DYTN: variants seen among roughly 807,000 people sequenced by gnomAD.
DYTN encodes dystrotelin.
DYTN carries 75 observed loss-of-function variants against 69.6 expected under a neutral mutation model. The ratio of observed to expected loss-of-function variants is 1.08; its 90% CI spans 0.89 to 1.31. The LOEUF (loss-of-function observed/expected upper bound fraction) is 1.31, where lower values mean the gene tolerates loss of function less well. DYTN is among the 50% of genes most tolerant of loss of function. The pLI, the probability that DYTN is intolerant of heterozygous loss-of-function variation, is 0.00. For missense variants in DYTN, 726 were observed against 688.4 expected, an observed-to-expected ratio of 1.05 and a Z score of -0.61; for synonymous variants, 252 against 249.1, an observed-to-expected ratio of 1.01 and a Z score of -0.11.
intron 11 of DYTN, among the ~76,000 whole-genome samples, chr2:206,656,598 C>T (rs746562388): frequency 2.3e-4 from 35 of 151,924 alleles, no homozygotes; most frequent in Non-Finnish European, 4.1e-4. Context: ...AATATTATTT[C>T]GTTTTTTTCT....
chr2:206,690,130 G>A (rs531136505), intron 9 of DYTN, among the ~76,000 whole-genome samples: 1 of 152,180 alleles, frequency 6.6e-6, no homozygotes, highest in Non-Finnish European at 1.5e-5. Context: ...TGGTTGAATG[G>A]TAAATGGTTG....
At chr2:206,710,437 T>G in intron 2 of DYTN, 87 bp downstream of exon 2, 1 of 1,245,488 alleles carries the variant, frequency 8.0e-7, no homozygotes. Flanking sequence ...GTCAGCTGCA[T>G]GGGGGGAGTG....
Position 206,651,736 on chromosome 2 carries a change from G to A in DYTN, c.*82C>T. The A allele has an allele frequency of 7.8e-7, 1 of 1,278,746 alleles. No homozygotes were observed. The highest frequency in any genetic ancestry group is 2.0e-5 in the Admixed American group (1 of 50,856). The allele number at this position is 1,278,746 out of a possible 1,614,324, so 79.2% of individuals were successfully genotyped here. A position where few individuals can be genotyped will look rare whatever the true frequency, so the allele number is the denominator to read the frequency against. On this transcript the variant is annotated 3_prime_UTR_variant, in exon 12 of 12. Coordinates refer to ENST00000452335, the MANE Select transcript of DYTN (RefSeq NM_001093730.1). The stretch of plus-strand genomic sequence containing the variant: ...TTCACACTAAACTATTAAAAGAAAG[G>A]TAGAAGTCTTAATTCTTTTAATACA...
At chr2:206,710,676 A>T (rs969914965) in intron 1 of DYTN, 78 bp from the exon 2 acceptor site, 2 of 1,136,300 alleles carry the variant, frequency 1.8e-6, no homozygotes, top group South Asian at 3.3e-5. Flanking sequence ...GAAATCCTAG[A>T]GATCATGTAA....
chr2:206,717,071 CACACACAA>C (rs1347136851), intron 1 of DYTN, among the ~76,000 whole-genome samples: 21 of 151,646 alleles, frequency 1.4e-4, no homozygotes, highest in Non-Finnish European at 2.4e-4. Context: ...CACACACACA[CACACACAA>C]AACAAACTCA....
rs116508506 is a variant in DYTN at position 206,698,456 on chromosome 2, C to A, written c.719+1271G>T. On this transcript the variant is annotated intron_variant, in intron 7 of 11. Transcript: ENST00000452335. ...GGAACAAAGTGAGCAGGAGCTGAGT[C>A]CTGAGGCCTCTTGTCCCCTTCTCCT... 3.7e-3 allele frequency among the ~76,000 whole-genome samples: 560 copies of A among 152,258 alleles called. 2 individuals carry two copies. Among genetic ancestry groups the A allele is most frequent in the African/African-American group, 0.013 (539 of 41,530 alleles).
intron 4 of DYTN, 83 bp downstream of exon 4, chr2:206,705,705 C>T (rs1043743342): frequency 3.1e-5 from 37 of 1,199,326 alleles, no homozygotes; most frequent in Non-Finnish European, 4.1e-5. Flanking sequence ...GCTGAAGAGG[C>T]CTTGTGGCAG....
intron 8 of DYTN, among the ~76,000 whole-genome samples, chr2:206,694,379 C>T (rs571754019): frequency 6.6e-6 from 1 of 152,194 alleles, no homozygotes; most frequent in African/African-American, 2.4e-5. Context: ...AAGAAAAATT[C>T]TCCAAAAATA....
intron 9 of DYTN, among the ~76,000 whole-genome samples, chr2:206,680,893 A>T (rs7589453): frequency 0.07 from 10,640 of 152,204 alleles, 444 homozygotes; most frequent in Non-Finnish European, 0.079. Context: ...TATGAAATTT[A>T]AAATAGTTTT....
intron 9 of DYTN, chr2:206,678,955 AC>A (rs1403070584): frequency 6.6e-6 from 1 of 152,200 alleles, no homozygotes; most frequent in Non-Finnish European, 1.5e-5. Flanking sequence ...ACTGAACTTC[AC>A]TGCAAAATGG....
intron 3 of DYTN, 109 bp downstream of exon 3, chr2:206,707,193 C>A (rs905087879): frequency 7.5e-6 from 10 of 1,329,474 alleles, no homozygotes; most frequent in Non-Finnish European, 9.2e-6. Context: ...ACAAAGAAGA[C>A]TTCTTATATA....
Position 206,710,606 on chromosome 2 carries a change from G to T in DYTN, c.20-8C>A. ...CAATACTATTAAGAGCATCTGTAAA[G>T]AAAACGTAAAATATTATGAATAAAG... On this transcript the variant is annotated splice_region_variant and splice_polypyrimidine_tract_variant and intron_variant, in intron 1 of 11. Coordinates refer to ENST00000452335, the MANE Select transcript of DYTN (RefSeq NM_001093730.1). 1 of 1,584,662 alleles carries T rather than the reference G, an allele frequency of 6.3e-7. No homozygotes were observed.
chr2:206,695,923 G>A (rs1170278372), intron 7 of DYTN, among the ~76,000 whole-genome samples: 1 of 152,096 alleles, frequency 6.6e-6, no homozygotes, highest in African/African-American at 2.4e-5. Flanking sequence ...AAGCATTTGG[G>A]TTTTCAACAC....
At chr2:206,702,896 G>A (rs1199177632) in intron 5 of DYTN, among the ~76,000 whole-genome samples, 1 of 152,126 alleles carries the variant, frequency 6.6e-6, no homozygotes, top group South Asian at 2.1e-4. Flanking sequence ...ATTAAACATG[G>A]CTAGATGGCA....
Position 206,693,038 on chromosome 2 carries a change from T to C in DYTN, c.980+137A>G, listed in dbSNP as rs1282480546. 4.7e-6 allele frequency: 6 copies of C among 1,273,742 alleles called. No homozygotes were observed. The African/African-American group carries it at 9.1e-5, about 19-fold the overall frequency. 78.9% of individuals were successfully genotyped at this position (1,273,742 alleles called of 1,614,324 possible). Reference sequence around the variant, plus strand: ...AGGCCCTTTTTAGAGGAAAAAAATATCTGAAGTCCAACCCTCACCCCTCCT... The same window carrying C: ...AGGCCCTTTTTAGAGGAAAAAAATACCTGAAGTCCAACCCTCACCCCTCCT... On this transcript the variant is annotated intron_variant, in intron 9 of 11. Transcript: ENST00000452335.
At chr2:206,672,877 C>G (rs1699644674) in intron 9 of DYTN, among the ~76,000 whole-genome samples, 1 of 152,180 alleles carries the variant, frequency 6.6e-6, no homozygotes, top group Non-Finnish European at 1.5e-5. Context: ...GAAAAAACTT[C>G]ACTGGTATTT....
intron 11 of DYTN, among the ~76,000 whole-genome samples, chr2:206,656,920 G>C (rs1451110734): frequency 6.6e-6 from 1 of 151,828 alleles, no homozygotes; most frequent in African/African-American, 2.4e-5. Context: ...ATGCCACCAC[G>C]TCCGGCTAAT....
chr2:206,683,590 C>T (rs1574594961), intron 9 of DYTN, among the ~76,000 whole-genome samples: 2 of 151,972 alleles, frequency 1.3e-5, no homozygotes, highest in South Asian at 4.2e-4. Context: ...GTGATTTGCC[C>T]ACCTTGGCCT....
Position 206,687,155 on chromosome 2 carries a change from A to G in DYTN, c.980+6020T>C, listed in dbSNP as rs41422951. 362 of 155,826 alleles carry G rather than the reference A, an allele frequency of 2.3e-3. 2 individuals carry two copies. The highest frequency in any genetic ancestry group is 8.3e-3 in the African/African-American group (345 of 41,640). The allele number at this position is 155,826 out of a possible 1,614,324, so 9.7% of individuals were successfully genotyped here. A position where few individuals can be genotyped will look rare whatever the true frequency, so the allele number is the denominator to read the frequency against. On this transcript the variant is annotated intron_variant, in intron 9 of 11. Coordinates refer to ENST00000452335, the MANE Select transcript of DYTN (RefSeq NM_001093730.1). ...CTTCATCCTTTCTATGGCACTGTTGATAATCTGGATAGGTTTAATGGAATT... is the reference window on the plus strand; with the variant it reads ...CTTCATCCTTTCTATGGCACTGTTGGTAATCTGGATAGGTTTAATGGAATT...
Sources: allele counts gnomAD v4.1 joint callset (sites outside exome capture counted in the v4.1 genomes callset), GRCh38; gene constraint gnomAD v4.1.1; transcripts MANE v1.5; gene names NCBI Gene and HGNC (gene_info 2026-07-23, HGNC 2026-07-21).